The following FGFBP1 variants were observed in gnomAD, a reference collection of about 807,000 sequenced individuals.
The protein encoded by FGFBP1 is fibroblast growth factor binding protein 1, also known as fibroblast growth factor-binding protein 1.
FGFBP1 carries 12 observed loss-of-function variants against 14.6 expected under a neutral mutation model. The observed-to-expected ratio is 0.82, with a 90% CI of 0.53 to 1.33. The LOEUF (loss-of-function observed/expected upper bound fraction) is 1.33. Among genes scored for constraint, FGFBP1 ranks in the 40% most tolerant of loss-of-function variants. The probability of loss-of-function intolerance (pLI) is 0.00; values close to 1 mark genes in which losing one functional copy is unlikely to be tolerated. For synonymous variants in FGFBP1, 117 were observed against 105.0 expected (o/e 1.11, Z -0.70); for missense variants, 317 against 271.8 (o/e 1.17, Z -1.17).
chr4:15,937,258 A>G (rs1414986806), intron 2 of FGFBP1, among the ~76,000 whole-genome samples: 6 of 114,600 alleles, frequency 5.2e-5, no homozygotes, highest in African/African-American at 2.0e-4. Context: ...ATGAAAGGTG[A>G]TGTTGACCCA....
intron 2 of FGFBP1, among the ~76,000 whole-genome samples, chr4:15,937,871 T>C (rs1560344408): frequency 6.6e-6 from 1 of 152,212 alleles, no homozygotes; most frequent in Non-Finnish European, 1.5e-5. Flanking sequence ...GAAAAACAAC[T>C]ATGAACAATG....
chr4:15,935,840 T>G lies in FGFBP1; in HGVS notation c.*88A>C. 1 of 765,678 alleles carries G rather than the reference T, an allele frequency of 1.3e-6. No individual in the cohort carries two copies. The highest frequency in any genetic ancestry group is 2.0e-6 in the Non-Finnish European group (1 of 493,850). The allele number at this position is 765,678 out of a possible 1,614,324, so 47.4% of individuals were successfully genotyped here. A position where few individuals can be genotyped will look rare whatever the true frequency, so the allele number is the denominator to read the frequency against. On this transcript the variant is annotated 3_prime_UTR_variant, in exon 3 of 3. Coordinates refer to ENST00000382333, the MANE Select transcript of FGFBP1 (RefSeq NM_005130.5). ...CACTCACTAAGCACAAAAGTTCATATTTTGGGGGGACTGTAGAGAGCTTTA... is the reference window on the plus strand; with the variant it reads ...CACTCACTAAGCACAAAAGTTCATAGTTTGGGGGGACTGTAGAGAGCTTTA...
chr4:15,936,633 G>A lies in FGFBP1; in HGVS notation c.-1C>T. 6.3e-7 allele frequency: 1 copy of A among 1,597,542 alleles called. No individual in the cohort carries two copies. The highest frequency in any genetic ancestry group is 8.5e-7 in the Non-Finnish European group (1 of 1,173,094). On this transcript the variant is annotated 5_prime_UTR_variant, in exon 3 of 3. Coordinates refer to ENST00000382333, the MANE Select transcript of FGFBP1 (RefSeq NM_005130.5). ...GCAGGGTGAGGCTACAGATCTTCAT[G>A]GCTGCAGCTGGGCGTTCACCTGTTT...
At position 15,936,004 on chromosome 4, in the gene FGFBP1, G is replaced by T; in HGVS notation, c.629C>A (p.Ala210Asp). Residue 210 changes from alanine (A) to aspartate (D), a missense_variant, in exon 3 of 3, where the codon GCC (alanine) becomes GAC (aspartate). By Grantham distance (126) the Ala-to-Asp change is moderately radical. Transcript: ENST00000382333. ...CCAAGTCTCTCCACAGAACTCCAGG[G>T]CAGTCTTCCTCTGGTTTGCCATATC... ...DPDMANQRKT[A>D]LEFCGETWSS... is the part of the protein sequence containing the mutation. 2 of 1,614,082 alleles carry T rather than the reference G, an allele frequency of 1.2e-6. No individual in the cohort carries two copies. Among genetic ancestry groups the T allele is most frequent in the South Asian group, 2.2e-5 (2 of 91,074 alleles).
chr4:15,938,454 GT>G lies in FGFBP1; in HGVS notation c.-225del, dbSNP rs1426536206. The G allele has an allele frequency of 1.3e-5, 2 of 152,484 alleles. No individual in the cohort carries two copies. Among genetic ancestry groups the G allele is most frequent in the African/African-American group, 4.8e-5 (2 of 41,564 alleles). The allele number at this position is 152,484 out of a possible 1,614,324, so 9.4% of individuals were successfully genotyped here. A position where few individuals can be genotyped will look rare whatever the true frequency, so the allele number is the denominator to read the frequency against. ...CAGCCACGCCCCTCCGAGGGAGCCGGTTCCTGCAGGGAAAGTGCTGGATGTA... is the reference window on the plus strand; with the variant it reads ...CAGCCACGCCCCTCCGAGGGAGCCGGTCCTGCAGGGAAAGTGCTGGATGTA... On this transcript the variant is annotated 5_prime_UTR_variant, in exon 2 of 3. An upstream open reading frame in the 5' UTR loses its in-frame stop. Transcript: ENST00000382333.
intron 2 of FGFBP1, among the ~76,000 whole-genome samples, chr4:15,937,654 G>A (rs1319628196): frequency 6.6e-6 from 1 of 152,166 alleles, no homozygotes; most frequent in African/African-American, 2.4e-5. Flanking sequence ...AGCTCTTCCA[G>A]GTAGCTATTA....
At chr4:15,938,524 C>T (rs1362867024) in intron 1 of FGFBP1, 53 bp from the exon 2 acceptor site, 2 of 152,482 alleles carry the variant, frequency 1.3e-5, no homozygotes, top group African/African-American at 2.4e-5. Flanking sequence ...CAAACGCTTC[C>T]TCTAGGCCCT....
At position 15,936,471 on chromosome 4, in the gene FGFBP1, G is replaced by C; in HGVS notation, c.162C>G (p.Pro54=). The C allele has an allele frequency of 6.2e-7, 1 of 1,614,130 alleles. No homozygotes were observed. The highest frequency in any genetic ancestry group is 1.6e-4 in the Middle Eastern group (1 of 6,062). The change falls in exon 3 of 3, where the codon CCC becomes CCG. Residue 54 remains proline (P), a synonymous_variant. Transcript: ENST00000382333. Reference sequence around the variant, plus strand: ...TGGTGACAAACTTGCCTTTGTTCCCGGGCCTGCTTTTCTGCTTAATCTGGG... The same window carrying C: ...TGGTGACAAACTTGCCTTTGTTCCCCGGCCTGCTTTTCTGCTTAATCTGGG... The part of the protein sequence containing the change: ...GNTQIKQKSR[P]GNKGKFVTKD...
Position 15,936,350 on chromosome 4 carries a change from C to T in FGFBP1, c.283G>A (p.Val95Ile), listed in dbSNP as rs1212902185. 1.7e-5 allele frequency: 27 copies of T among 1,614,196 alleles called. No homozygotes were observed. The highest frequency in any genetic ancestry group is 2.3e-5 in the Non-Finnish European group (27 of 1,180,030). Residue 95 changes from valine (V) to isoleucine (I), a missense_variant, in exon 3 of 3, where the codon GTC (valine) becomes ATC (isoleucine). By Grantham distance (29) the Val-to-Ile change is conservative. Transcript: ENST00000382333. The stretch of plus-strand genomic sequence containing the variant: ...CATGAGGTTGGATTGCCAGCAAAGA[C>T]ACAGGAAAATTCATGGTCCAATTGA... The part of the protein sequence containing the change: ...CTQLDHEFSC[V>I]FAGNPTSCLK...
In FGFBP1 at chr4:15,938,713, T is replaced by C. The variant is rs1712557403; in HGVS notation, c.-268A>G. On this transcript the variant is annotated 5_prime_UTR_variant, in exon 1 of 3. It removes an upstream start codon present in the reference 5' UTR. Coordinates refer to ENST00000382333, the MANE Select transcript of FGFBP1 (RefSeq NM_005130.5). The stretch of plus-strand genomic sequence containing the variant: ...TGAGTTCTCCTTTTCCCTCATCACA[T>C]CCGCTCTAGTAGGGAGTGCAATGAT... 1 of 152,174 alleles carries C rather than the reference T, an allele frequency of 6.6e-6. No individual in the cohort carries two copies. The highest frequency in any genetic ancestry group is 1.5e-5 in the Non-Finnish European group (1 of 68,044). 9.4% of individuals were successfully genotyped at this position (152,174 alleles called of 1,614,324 possible). A position where few individuals can be genotyped will look rare whatever the true frequency, so the allele number is the denominator to read the frequency against.
chr4:15,935,915 T>C lies in FGFBP1; in HGVS notation c.*13A>G. On this transcript the variant is annotated 3_prime_UTR_variant, in exon 3 of 3. Transcript: ENST00000382333. ...TGACATCTCTTAAGGGAACCCGTTC[T>C]CTTTTGACCTCATTAGCATGACGTG... The C allele has an allele frequency of 1.3e-6, 2 of 1,526,320 alleles. No individual in the cohort carries two copies. The highest frequency in any genetic ancestry group is 2.5e-5 in the South Asian group (2 of 79,634). 94.5% of individuals were successfully genotyped at this position (1,526,320 alleles called of 1,614,324 possible).
rs1368413739 is a variant in FGFBP1, at chr4:15,936,485, G to C, written c.148C>G (p.Gln50Glu). 6.2e-7 allele frequency: 1 copy of C among 1,614,038 alleles called. No individual in the cohort carries two copies. The highest frequency in any genetic ancestry group is 8.5e-7 in the Non-Finnish European group (1 of 1,180,038). The change falls in exon 3 of 3, where the codon CAG becomes GAG. Residue 50 changes from glutamine to glutamate, a missense_variant. Transcript: ENST00000382333. ...KDTLGNTQIK[Q>E]KSRPGNKGKF... ...CCTTTGTTCCCGGGCCTGCTTTTCT[G>C]CTTAATCTGGGTGTTGCCCAGAGTG... is the stretch of plus-strand genomic sequence containing the variant.
rs758981899 is a variant in FGFBP1, at chr4:15,935,891, G to A, written c.*37C>T. 2.9e-6 allele frequency: 4 copies of A among 1,374,600 alleles called. No homozygotes were observed. In the South Asian group the frequency reaches 4.2e-5, roughly 14 times the overall value. 85.2% of individuals were successfully genotyped at this position (1,374,600 alleles called of 1,614,324 possible). Reference sequence around the variant, plus strand: ...AAGTATACAGAGGGACTTACGACATGACATCTCTTAAGGGAACCCGTTCTC... The same window carrying A: ...AAGTATACAGAGGGACTTACGACATAACATCTCTTAAGGGAACCCGTTCTC... On this transcript the variant is annotated 3_prime_UTR_variant, in exon 3 of 3. Transcript: ENST00000382333.
Position 15,936,084 on chromosome 4 carries a change from G to A in FGFBP1, c.549C>T (p.Ser183=), listed in dbSNP as rs1046848910. The stretch of plus-strand genomic sequence containing the variant: ...TGGCCATGGTCTGGGTCACTGCTAG[G>A]CTAGAGGGGGTGGTCTCTTTGCCTT... ...HIKGKETTPS[S]LAVTQTMATK... The change falls in exon 3 of 3, where the codon AGC becomes AGT. Residue 183 remains serine (S), a synonymous_variant. Transcript: ENST00000382333. The A allele has an allele frequency of 3.1e-6, 5 of 1,613,988 alleles. No homozygotes were observed. Among genetic ancestry groups the A allele is most frequent in the Non-Finnish European group, 4.2e-6 (5 of 1,179,984 alleles).
Position 15,936,440 on chromosome 4 carries a change from G to T in FGFBP1, c.193C>A (p.Gln65Lys). 6.2e-7 allele frequency: 1 copy of T among 1,614,184 alleles called. No homozygotes were observed. The highest frequency in any genetic ancestry group is 8.5e-7 in the Non-Finnish European group (1 of 1,180,016). The change falls in exon 3 of 3, where the codon CAA becomes AAA. Residue 65 changes from glutamine (Q) to lysine (K), a missense_variant. Transcript: ENST00000382333. ...GTAGCAGCCCATCTGCAGTTGGCTTGGTCTTTGGTGACAAACTTGCCTTTG... is the reference window on the plus strand; with the variant it reads ...GTAGCAGCCCATCTGCAGTTGGCTTTGTCTTTGGTGACAAACTTGCCTTTG... Reference protein sequence around the residue: ...GNKGKFVTKDQANCRWAATEQ... With the variant: ...GNKGKFVTKDKANCRWAATEQ...
chr4:15,937,601 A>T (rs1312381291), intron 2 of FGFBP1, among the ~76,000 whole-genome samples: 2 of 152,208 alleles, frequency 1.3e-5, no homozygotes, highest in African/African-American at 4.8e-5. Context: ...TGTGCTAAGT[A>T]CTGGTCTAGG....
intron 2 of FGFBP1, among the ~76,000 whole-genome samples, chr4:15,937,317 T>TG (rs1712521637): frequency 8.8e-6 from 1 of 113,752 alleles, no homozygotes; most frequent in South Asian, 2.9e-4. Flanking sequence ...GTTGTGGGGG[T>TG]GGGGGAGCTT....
At position 15,936,394 on chromosome 4, in the gene FGFBP1, G is replaced by T; in HGVS notation, c.239C>A (p.Ser80Tyr). 6.2e-7 allele frequency: 1 copy of T among 1,614,202 alleles called. No homozygotes were observed. The highest frequency in any genetic ancestry group is 1.1e-5 in the South Asian group (1 of 91,080). The change falls in exon 3 of 3, where the codon TCT (serine) becomes TAT (tyrosine). Residue 80 changes from serine (S) to tyrosine (Y), a missense_variant. Transcript: ENST00000382333. The stretch of plus-strand genomic sequence containing the variant: ...CAATTGAGTGCACTCAACCTTGAGA[G>T]AGATGCCCTCCTCCTGCTCAGTAGC... ...WAATEQEEGI[S>Y]LKVECTQLDH...
Position 15,936,016 on chromosome 4 carries a change from T to C in FGFBP1, c.617A>G (p.Gln206Arg). 2 of 1,614,166 alleles carry C rather than the reference T, an allele frequency of 1.2e-6. No homozygotes were observed. Among genetic ancestry groups the C allele is most frequent in the Non-Finnish European group, 1.7e-6 (2 of 1,180,014 alleles). The change falls in exon 3 of 3, where the codon CAG (glutamine) becomes CGG (arginine). Residue 206 changes from glutamine (Q) to arginine (R), a missense_variant. Physicochemically the swap from Gln to Arg is conservative, Grantham distance 43. Coordinates refer to ENST00000382333, the MANE Select transcript of FGFBP1 (RefSeq NM_005130.5). ...ECVEDPDMAN[Q>R]RKTALEFCGE... ...ACAGAACTCCAGGGCAGTCTTCCTC[T>C]GGTTTGCCATATCTGGGTCCTCCAC... is the stretch of plus-strand genomic sequence containing the variant.
Sources: allele counts gnomAD v4.1 joint callset (sites outside exome capture counted in the v4.1 genomes callset), GRCh38; gene constraint gnomAD v4.1.1; transcripts MANE v1.5; gene names NCBI Gene and HGNC (gene_info 2026-07-23, HGNC 2026-07-21).